SERPINA3: variants seen among roughly 807,000 people sequenced by gnomAD.
The protein encoded by SERPINA3 is alpha-1-antichymotrypsin.
In SERPINA3, 32 loss-of-function variants were observed where a neutral mutation model predicts 26.8. The observed-to-expected ratio is 1.20, with a 90% CI of 0.90 to 1.61. SERPINA3 has a LOEUF of 1.61. Among genes scored for constraint, SERPINA3 ranks in the 40% most tolerant of loss-of-function variants. The pLI is 0.00. For missense variants in SERPINA3, 632 were observed against 517.9 expected (o/e 1.22, Z -2.14); for synonymous variants, 252 against 206.4 (o/e 1.22, Z -1.89).
rs189359076 is a variant in SERPINA3, at chr14:94,618,798, T to A, written c.644-397T>A. On this transcript the variant is annotated intron_variant, in intron 2 of 4. Transcript: ENST00000393078. ...CTGTTATATGTTCACATCCCTGTAATACCAGTGAGTAATAATTGCTAATGA... is the reference window on the plus strand; with the variant it reads ...CTGTTATATGTTCACATCCCTGTAAAACCAGTGAGTAATAATTGCTAATGA... The A allele has an allele frequency of 4.0e-5, 14 of 346,188 alleles. No homozygotes were observed. In the East Asian group the frequency reaches 9.4e-4, roughly 23 times the overall value. 21.4% of individuals were successfully genotyped at this position (346,188 alleles called of 1,614,324 possible).
intron 1 of SERPINA3, chr14:94,614,212 C>A: frequency 1.7e-6 from 1 of 579,660 alleles, no homozygotes; most frequent in South Asian, 2.0e-5. Flanking sequence ...CCCGGCTTTT[C>A]CACTGCAAGA....
rs780434942 is a variant in SERPINA3 at position 94,623,639 on chromosome 14, T to A, written c.1097T>A (p.Phe366Tyr). 6.2e-7 allele frequency: 1 copy of A among 1,614,146 alleles called. No homozygotes were observed. Among genetic ancestry groups the A allele is most frequent in the Non-Finnish European group, 8.5e-7 (1 of 1,180,008 alleles). Residue 366 changes from phenylalanine (F) to tyrosine (Y), a missense_variant, in exon 5 of 5, where the codon TTT (phenylalanine) becomes TAT (tyrosine). Coordinates refer to ENST00000393078, the MANE Select transcript of SERPINA3 (RefSeq NM_001085.5). Reference sequence around the variant, plus strand: ...GTCCATAAGGCTGTGCTTGATGTATTTGAGGAGGGCACAGAAGCATCTGCT... The same window carrying A: ...GTCCATAAGGCTGTGCTTGATGTATATGAGGAGGGCACAGAAGCATCTGCT... ...QVVHKAVLDVFEEGTEASAAT... is the reference protein window; with the variant it reads ...QVVHKAVLDVYEEGTEASAAT...
At chr14:94,616,925 G>A (rs1454510538) in intron 2 of SERPINA3, among the ~76,000 whole-genome samples, 2 of 152,124 alleles carry the variant, frequency 1.3e-5, no homozygotes, top group Admixed American at 6.5e-5. Flanking sequence ...GGAGATGGGA[G>A]CAGATGTGAG....
In SERPINA3 at chr14:94,622,370, T is replaced by C. The variant is rs753659799; in HGVS notation, c.947T>C (p.Phe316Ser). 6.8e-6 allele frequency: 11 copies of C among 1,613,928 alleles called. No homozygotes were observed. In the South Asian group the frequency reaches 1.2e-4, roughly 18 times the overall value. Residue 316 changes from phenylalanine (F) to serine (S), a missense_variant, in exon 4 of 5, where the codon TTT becomes TCT. By Grantham distance (155) the Phe-to-Ser change is radical. Coordinates refer to ENST00000393078, the MANE Select transcript of SERPINA3 (RefSeq NM_001085.5). ...ATAGGTGAGCTCTACCTGCCAAAGTTTTCCATCTCGAGGGACTATAACCTG... is the reference window on the plus strand; with the variant it reads ...ATAGGTGAGCTCTACCTGCCAAAGTCTTCCATCTCGAGGGACTATAACCTG... The part of the protein sequence containing the change: ...REIGELYLPK[F>S]SISRDYNLND...
intron 3 of SERPINA3, chr14:94,619,840 T>C: frequency 2.9e-6 from 1 of 339,936 alleles, no homozygotes; most frequent in Admixed American, 4.3e-5. Context: ...GAATCAGTTC[T>C]GCACTGGTGA....
chr14:94,614,514 C>T lies in SERPINA3; in HGVS notation c.73C>T (p.Pro25Ser), dbSNP rs144060757. 2.9e-4 allele frequency: 467 copies of T among 1,613,914 alleles called. 2 individuals are homozygous for T. The highest frequency in any genetic ancestry group is 1.8e-3 in the South Asian group (168 of 91,076). ...GTTCTGCCCTGCTGTCCTCTGCCAC[C>T]CTAACAGCCCACTTGACGAGGAGAA... ...AGFCPAVLCH[P>S]NSPLDEENLT... The change falls in exon 2 of 5, where the codon CCT (proline) becomes TCT (serine). Residue 25 changes from proline (P) to serine (S), a missense_variant. Pro to Ser is a moderately conservative substitution (Grantham distance 74). Coordinates refer to ENST00000393078, the MANE Select transcript of SERPINA3 (RefSeq NM_001085.5).
intron 3 of SERPINA3, 118 bp from the exon 4 acceptor site, chr14:94,622,223 T>C (rs1886225538): frequency 1.1e-6 from 1 of 898,104 alleles, no homozygotes; most frequent in South Asian, 1.3e-5. Flanking sequence ...AGATTATTTA[T>C]TTTCCAATCA....
At chr14:94,622,309 G>A (rs749059859) in intron 3 of SERPINA3, 32 bp from the exon 4 acceptor site, 20 of 1,613,432 alleles carry the variant, frequency 1.2e-5, no homozygotes, top group Non-Finnish European at 1.4e-5. Context: ...GATCAGCAGA[G>A]GTTCAGATAC....
Position 94,624,004 on chromosome 14 carries a change from C to T in SERPINA3, c.*190C>T, listed in dbSNP as rs1248473142. ...CATGCACAGGGGCCCATGGACTCTT[C>T]AGTCTGGAGGGTCCTGGGCCTCCTG... On this transcript the variant is annotated 3_prime_UTR_variant, in exon 5 of 5. Coordinates refer to ENST00000393078, the MANE Select transcript of SERPINA3 (RefSeq NM_001085.5). The T allele has an allele frequency of 9.2e-6, 6 of 649,154 alleles. No homozygotes were observed. In the East Asian group the frequency reaches 1.4e-4, roughly 15 times the overall value. 40.2% of individuals were successfully genotyped at this position (649,154 alleles called of 1,614,324 possible).
At chr14:94,615,289 A>G (rs906135970) in intron 2 of SERPINA3, among the ~76,000 whole-genome samples, 17 of 152,258 alleles carry the variant, frequency 1.1e-4, no homozygotes, top group African/African-American at 1.9e-4. Flanking sequence ...CTTGGAAGAC[A>G]TAATTCAGTG....
intron 3 of SERPINA3, among the ~76,000 whole-genome samples, chr14:94,620,311 G>A (rs575291636): frequency 6.6e-6 from 1 of 152,216 alleles, no homozygotes; most frequent in Non-Finnish European, 1.5e-5. Flanking sequence ...GAGCAGCTGG[G>A]CTTCCACTTC....
chr14:94,620,656 TGGGAGCCCACTGTGGCTGGGATCCAGGA>T (rs1377803548), intron 3 of SERPINA3, among the ~76,000 whole-genome samples: 1 of 152,066 alleles, frequency 6.6e-6, no homozygotes, highest in African/African-American at 2.4e-5. Flanking sequence ...AGACATGAGG[TGGGAGCCCACTGTGGCTGGGATCCAGGA>T]GGGAGCCATG....
At chr14:94,616,575 C>T (rs749356529) in intron 2 of SERPINA3, among the ~76,000 whole-genome samples, 5 of 152,288 alleles carry the variant, frequency 3.3e-5, no homozygotes, top group East Asian at 1.9e-4. Flanking sequence ...ATTGCACCCA[C>T]TGGACCCAAG....
chr14:94,623,739 C>T lies in SERPINA3; in HGVS notation c.1197C>T (p.Phe399=). The T allele has an allele frequency of 5.0e-6, 8 of 1,614,144 alleles. No homozygotes were observed. Among genetic ancestry groups the T allele is most frequent in the Non-Finnish European group, 6.8e-6 (8 of 1,180,016 alleles). The change falls in exon 5 of 5, where the codon TTC becomes TTT. Residue 399 remains phenylalanine (F), a synonymous_variant. Transcript: ENST00000393078. ...TRTIVRFNRP[F]LMIIVPTDTQ... ...CCATTGTGCGTTTCAACAGGCCCTT[C>T]CTGATGATCATTGTCCCTACAGACA...
In SERPINA3 at chr14:94,614,589, G is replaced by A. The variant is rs751064753; in HGVS notation, c.148G>A (p.Ala50Thr). ...DRGTHVDLGLASANVDFAFSL... is the reference protein window; with the variant it reads ...DRGTHVDLGLTSANVDFAFSL... The stretch of plus-strand genomic sequence containing the variant: ...AGGGACACACGTGGACCTCGGATTA[G>A]CCTCCGCCAACGTGGACTTCGCTTT... Residue 50 changes from alanine to threonine, a missense_variant, in exon 2 of 5, where the codon GCC becomes ACC. Physicochemically the swap from Ala to Thr is moderately conservative, Grantham distance 58. Transcript: ENST00000393078. 1.2e-6 allele frequency: 2 copies of A among 1,614,058 alleles called. No homozygotes were observed. The highest frequency in any genetic ancestry group is 2.7e-5 in the African/African-American group (2 of 74,916).
chr14:94,615,596 C>A, intron 2 of SERPINA3: 1 of 345,752 alleles, frequency 2.9e-6, no homozygotes, highest in Non-Finnish European at 5.7e-6. Flanking sequence ...CCCCAAGGAG[C>A]CTGGCCACTT....
At chr14:94,616,375 C>G (rs756260339) in intron 2 of SERPINA3, among the ~76,000 whole-genome samples, 1 of 152,226 alleles carries the variant, frequency 6.6e-6, no homozygotes, top group Non-Finnish European at 1.5e-5. Context: ...CCTCTCCTCA[C>G]TCTCCAGGTG....
At chr14:94,619,743 T>C (rs78687138) in intron 3 of SERPINA3, 1 of 506,520 alleles carries the variant, frequency 2.0e-6, no homozygotes, top group African/African-American at 1.9e-5. Context: ...CACTCATGCA[T>C]GGTTTCTCCT....
chr14:94,619,741 C>T (rs1242379283), intron 3 of SERPINA3: 5 of 517,564 alleles, frequency 9.7e-6, no homozygotes, highest in African/African-American at 1.9e-5. Flanking sequence ...AACACTCATG[C>T]ATGGTTTCTC....
Sources: gnomAD v4.1 joint callset for allele counts (sites outside exome capture counted in the v4.1 genomes callset) on GRCh38, gnomAD v4.1.1 for gene constraint, MANE v1.5 for transcripts, NCBI Gene and HGNC (gene_info 2026-07-23, HGNC 2026-07-21) for gene names.